The following TENM2 variants were observed in gnomAD, a reference collection of about 807,000 sequenced individuals.
TENM2 encodes the protein teneurin transmembrane protein 2.
A neutral mutation model predicts 245.2 loss-of-function variants in TENM2; 52 were observed. The observed-to-expected ratio is 0.21, with a 90% CI of 0.17 to 0.27. The LOEUF is 0.27. TENM2 is among the 10% of genes least tolerant of loss of function. TENM2 has a pLI of 1.00. For synonymous variants in TENM2, 1,363 were observed against 1,438.9 expected (o/e 0.95, Z 1.19); for missense variants, 3,046 against 3,666.8 (o/e 0.83, Z 4.37).
At chr5:167,745,220 C>A (rs1415341204) in intron 2 of TENM2, among the ~76,000 whole-genome samples, 1 of 152,218 alleles carries the variant, frequency 6.6e-6, no homozygotes, top group Non-Finnish European at 1.5e-5. Context: ...GTGGCTACCC[C>A]TGATGGAGGC....
At chr5:167,893,685 A>T (rs1244973400) in intron 3 of TENM2, among the ~76,000 whole-genome samples, 3 of 151,624 alleles carry the variant, frequency 2.0e-5, no homozygotes, top group Non-Finnish European at 4.4e-5. Context: ...AGGGAGAAAG[A>T]ATGTTGCTTA....
Position 168,228,688 on chromosome 5 carries a change from A to T in TENM2, c.5520+558A>T, listed in dbSNP as rs1053737024. Among the ~76,000 whole-genome samples, 9 of 79,342 alleles carry T rather than the reference A, an allele frequency of 1.1e-4. 1 individual carries two copies. The African/African-American group carries it at 1.3e-3, about 11-fold the overall frequency. 52.1% of individuals were successfully genotyped at this position (79,342 alleles called of 152,430 possible). On this transcript the variant is annotated intron_variant, in intron 25 of 28. Transcript: ENST00000518659. ...AAGACAGAGGTACATGCAGGGTCTG[A>T]TGGGATCCCAGAGGGATGCCACTCA...
intron 2 of TENM2, among the ~76,000 whole-genome samples, chr5:167,726,876 C>G (rs1296267307): frequency 2.0e-5 from 3 of 152,152 alleles, no homozygotes; most frequent in Non-Finnish European, 4.4e-5. Flanking sequence ...CTCAACTCCC[C>G]TAGCTTTCAG....
At chr5:167,931,916 TAC>T (rs772575798) in intron 3 of TENM2, among the ~76,000 whole-genome samples, 38 of 152,256 alleles carry the variant, frequency 2.5e-4, no homozygotes, top group Non-Finnish European at 4.8e-4. Context: ...GGGCACTAGC[TAC>T]AGTGTTCTTA....
intron 2 of TENM2, among the ~76,000 whole-genome samples, chr5:167,438,787 T>A (rs1051155242): frequency 1.3e-5 from 2 of 151,804 alleles, no homozygotes; most frequent in Non-Finnish European, 2.9e-5. Flanking sequence ...TAAGCGAAGT[T>A]TTTTGTTTGA....
intron 5 of TENM2, among the ~76,000 whole-genome samples, chr5:168,011,943 G>A (rs1347738336): frequency 6.6e-6 from 1 of 152,156 alleles, no homozygotes; most frequent in Non-Finnish European, 1.5e-5. Context: ...TAGAGAAAGA[G>A]GTTCAGAGAG....
At chr5:168,102,172 C>T (rs1221467779) in intron 9 of TENM2, among the ~76,000 whole-genome samples, 3 of 152,116 alleles carry the variant, frequency 2.0e-5, no homozygotes, top group Non-Finnish European at 4.4e-5. Context: ...CTCCTGGGTT[C>T]AAGTGATTCA....
intron 2 of TENM2, among the ~76,000 whole-genome samples, chr5:167,826,937 C>G (rs1296989978): frequency 6.6e-6 from 1 of 152,212 alleles, no homozygotes; most frequent in Non-Finnish European, 1.5e-5. Flanking sequence ...AGAATGTTTT[C>G]TCTATTTCCA....
chr5:167,568,095 A>G (rs1425303185), intron 2 of TENM2, among the ~76,000 whole-genome samples: 2 of 152,182 alleles, frequency 1.3e-5, no homozygotes, highest in East Asian at 1.9e-4. Context: ...CAGTTCACCA[A>G]TGGTATGAGA....
At position 168,218,153 on chromosome 5, in the gene TENM2, C is replaced by T; in HGVS notation, c.4262C>T (p.Ala1421Val). 1.2e-6 allele frequency: 2 copies of T among 1,613,622 alleles called. No homozygotes were observed. The highest frequency in any genetic ancestry group is 1.7e-6 in the Non-Finnish European group (2 of 1,179,608). ...CGTCTGGAGTGGCCAACAGACCTTG[C>T]TGTCAATCCCATGGATAACTCCTTG... Residue 1421 changes from alanine to valine, a missense_variant, in exon 23 of 29, where the codon GCT becomes GTT. By Grantham distance (64) the Ala-to-Val change is moderately conservative (BLOSUM62 0). This residue lies in a region of TENM2 where 2,704 missense variants were observed against 3,331.9 expected (regional missense o/e 0.81). Transcript: ENST00000518659. The surrounding 1 kb of genome is among the most constrained non-coding windows in gnomAD (Gnocchi z 5.2).
chr5:167,629,762 T>C (rs1410838925), intron 2 of TENM2, among the ~76,000 whole-genome samples: 1 of 152,142 alleles, frequency 6.6e-6, no homozygotes, highest in Non-Finnish European at 1.5e-5. Context: ...TCCCTGGGAT[T>C]TGAGGAAATT....
At chr5:168,263,995 T>C (rs1768433098), downstream of TENM2, 1 of 152,582 alleles carries the variant, frequency 6.6e-6, no homozygotes, top group South Asian at 2.1e-4. Context: ...ATAAGAACTT[T>C]GGTACAGGAA....
At chr5:167,573,877 G>GA (rs561291208) in intron 2 of TENM2, 3,437 of 133,030 alleles carry the variant, frequency 0.026, 47 homozygotes, top group Non-Finnish European at 0.034. Context: ...TTTCTTGCTG[G>GA]AAAAAAAAAA....
chr5:167,102,519 T>C, the TENM2 span, among the ~76,000 whole-genome samples: 5 of 152,156 alleles, frequency 3.3e-5, no homozygotes, highest in African/African-American at 4.8e-5. Flanking sequence ...GTGAGGGATG[T>C]TGGGCCTTCT....
the TENM2 span, among the ~76,000 whole-genome samples, chr5:167,095,407 GA>G: frequency 7.9e-5 from 12 of 152,142 alleles, no homozygotes; most frequent in African/African-American, 2.9e-4. Context: ...ATTGGGCTGG[GA>G]AGAGTGACCA....
intron 2 of TENM2, among the ~76,000 whole-genome samples, chr5:167,832,582 T>C (rs1768600070): frequency 6.6e-6 from 1 of 151,286 alleles, no homozygotes; most frequent in Non-Finnish European, 1.5e-5. Flanking sequence ...TGTGCAAGTG[T>C]GGATGGATGG....
At chr5:168,105,545 T>G (rs1262900417) in intron 9 of TENM2, among the ~76,000 whole-genome samples, 1 of 152,134 alleles carries the variant, frequency 6.6e-6, no homozygotes, top group African/African-American at 2.4e-5. Context: ...ATTTGAAGTT[T>G]TCAAAGTTTT....
chr5:167,240,188 C>T, the TENM2 span, among the ~76,000 whole-genome samples: 2 of 151,898 alleles, frequency 1.3e-5, no homozygotes, highest in African/African-American at 2.4e-5. Context: ...GCTGACATGA[C>T]TAAATAATAT....
chr5:168,252,230 T>C (rs1176509039), intron 27 of TENM2, among the ~76,000 whole-genome samples: 1 of 151,610 alleles, frequency 6.6e-6, no homozygotes, highest in Non-Finnish European at 1.5e-5. Context: ...ATTTAAAAGT[T>C]AGCCAAGTGT....
Sources: gnomAD v4.1 joint callset for allele counts (sites outside exome capture counted in the v4.1 genomes callset) on GRCh38, gnomAD v4.1.1 for gene constraint, gnomAD v4.1.1 regional missense constraint, Gnocchi (gnomAD v3.1) non-coding constraint, MANE v1.5 for transcripts, NCBI Gene and HGNC (gene_info 2026-07-23, HGNC 2026-07-21) for gene names.